BCL11B: variants seen among roughly 807,000 people sequenced by gnomAD.
BCL11B encodes the protein B-cell lymphoma/leukemia 11B.
BCL11B carries 8 observed loss-of-function variants against 49.9 expected under a neutral mutation model. That is an observed-to-expected ratio of 0.16 (90% confidence interval 0.09 to 0.29). The LOEUF (loss-of-function observed/expected upper bound fraction) is 0.29, where lower values mean the gene tolerates loss of function less well. Ranked by LOEUF, BCL11B falls within the 10% of genes least tolerant of loss-of-function variation. The pLI, the probability that BCL11B is intolerant of heterozygous loss-of-function variation, is 1.00. For synonymous variants in BCL11B, 739 were observed against 637.4 expected (o/e 1.16, Z -2.40); for missense variants, 1,006 against 1,351.0 (o/e 0.74, Z 4.00).
intron 3 of BCL11B, among the ~76,000 whole-genome samples, chr14:99,216,628 C>T (rs2139854434): frequency 6.6e-6 from 1 of 152,214 alleles, no homozygotes; most frequent in East Asian, 1.9e-4. Flanking sequence ...CCTCAAAGGC[C>T]TCAGCAGGCC....
At chr14:99,249,345 A>G (rs965410947) in intron 2 of BCL11B, among the ~76,000 whole-genome samples, 4 of 152,162 alleles carry the variant, frequency 2.6e-5, no homozygotes, top group African/African-American at 9.7e-5. Context: ...CAGGTTTGTT[A>G]CATGGGTAAA....
At position 99,205,477 on chromosome 14, in the gene BCL11B, C is replaced by T. The variant is rs1887508615; in HGVS notation, c.640+25868G>A. Among the ~76,000 whole-genome samples, 1 of 152,206 alleles carries T rather than the reference C, an allele frequency of 6.6e-6. No individual in the cohort carries two copies. The highest frequency in any genetic ancestry group is 1.9e-4 in the East Asian group (1 of 5,188). Reference sequence around the variant, plus strand: ...GTTAAATGCGCCCAAGGACCAGGCGCTCGCTACACCAGCATGCCAGGAAAG... The same window carrying T: ...GTTAAATGCGCCCAAGGACCAGGCGTTCGCTACACCAGCATGCCAGGAAAG... On this transcript the variant is annotated intron_variant, in intron 3 of 3. Coordinates refer to ENST00000357195, the MANE Select transcript of BCL11B (RefSeq NM_138576.4). This position sits in a 1 kb window ranked among gnomAD's most constrained non-coding sequence, Gnocchi z 5.0.
chr14:99,196,883 G>A (rs1364381336), intron 3 of BCL11B, among the ~76,000 whole-genome samples: 2 of 152,188 alleles, frequency 1.3e-5, no homozygotes, highest in Admixed American at 6.5e-5. Context: ...TCTCAACCAA[G>A]GCTGCACAGG....
intron 3 of BCL11B, among the ~76,000 whole-genome samples, chr14:99,223,511 G>T (rs975614009): frequency 8.5e-5 from 13 of 152,130 alleles, no homozygotes; most frequent in Admixed American, 7.2e-4. Context: ...TTCCAAGAGT[G>T]GTCCAGGTGA....
At chr14:99,229,119 AATGGATGG>A (rs5810933) in intron 3 of BCL11B, among the ~76,000 whole-genome samples, 18,974 of 137,330 alleles carry the variant, frequency 0.14, 1,453 homozygotes, top group Non-Finnish European at 0.18. Context: ...TACAGGGATG[AATGGATGG>A]ATGGATGGAT....
In BCL11B at chr14:99,264,346, C is replaced by T. The variant is rs533102163; in HGVS notation, c.59-6507G>A. 3 of 150,670 alleles carry T rather than the reference C, an allele frequency of 2.0e-5. No homozygotes were observed. In the South Asian group the frequency reaches 6.5e-4, roughly 33 times the overall value. The allele number at this position is 150,670 out of a possible 1,614,324, so 9.3% of individuals were successfully genotyped here. A position where few individuals can be genotyped will look rare whatever the true frequency, so the allele number is the denominator to read the frequency against. On this transcript the variant is annotated intron_variant, in intron 1 of 3. Transcript: ENST00000357195. ...ATCCATTTCTGAGGCACATGTTAATCACAATAATATTGGCACTCAACTTTT... is the reference window on the plus strand; with the variant it reads ...ATCCATTTCTGAGGCACATGTTAATTACAATAATATTGGCACTCAACTTTT...
rs2139894291 is a variant in BCL11B at position 99,232,488 on chromosome 14, A to C, written c.428-931T>G. Among the ~76,000 whole-genome samples the C allele has an allele frequency of 6.6e-6, 1 of 152,326 alleles. No individual in the cohort carries two copies. On this transcript the variant is annotated intron_variant, in intron 2 of 3. Coordinates refer to ENST00000357195, the MANE Select transcript of BCL11B (RefSeq NM_138576.4). This position sits in a 1 kb window ranked among gnomAD's most constrained non-coding sequence, Gnocchi z 5.1. ...GAGCAGGGAAGCATCAGAGAGACAA[A>C]AAGGAAACGTCAACAAGAGGATGGG... is the stretch of plus-strand genomic sequence containing the variant.
intron 3 of BCL11B, among the ~76,000 whole-genome samples, chr14:99,190,998 A>C (rs1292542230): frequency 2.0e-5 from 3 of 152,168 alleles, no homozygotes; most frequent in African/African-American, 4.8e-5. Flanking sequence ...ATTCAGTCCC[A>C]ATTTTCAAGG....
chr14:99,178,885 C>T (rs1260948756), intron 3 of BCL11B, among the ~76,000 whole-genome samples: 1 of 152,180 alleles, frequency 6.6e-6, no homozygotes, highest in Non-Finnish European at 1.5e-5. Context: ...GTCAGGCCAC[C>T]TCCCTTCCCC....
In BCL11B at chr14:99,174,699, C is replaced by G; in HGVS notation, c.2137G>C (p.Val713Leu). Residue 713 changes from valine to leucine, a missense_variant, in exon 4 of 4, where the codon GTG (valine) becomes CTG (leucine). Val to Leu is a conservative substitution (Grantham distance 32). Coordinates refer to ENST00000357195, the MANE Select transcript of BCL11B (RefSeq NM_138576.4). Reference protein sequence around the residue: ...PSENVYSQWLVGYAASRHFMK... With the variant: ...PSENVYSQWLLGYAASRHFMK... ...AAGTGCCGCGACGCCGCGTAGCCCA[C>G]CAGCCACTGCGAGTACACGTTCTCG... The G allele has an allele frequency of 1.9e-6, 3 of 1,571,026 alleles. 1 individual carries two copies. In the South Asian group the frequency reaches 3.4e-5, roughly 18 times the overall value.
chr14:99,174,534 T>C lies in BCL11B; in HGVS notation c.2302A>G (p.Ser768Gly). 6.6e-7 allele frequency: 1 copy of C among 1,514,710 alleles called. No homozygotes were observed. Among genetic ancestry groups the C allele is most frequent in the South Asian group, 1.2e-5 (1 of 82,054 alleles). The allele number at this position is 1,514,710 out of a possible 1,614,324, so 93.8% of individuals were successfully genotyped here. The change falls in exon 4 of 4, where the codon AGC becomes GGC. Residue 768 changes from serine (S) to glycine (G), a missense_variant. Physicochemically the swap from Ser to Gly is moderately conservative, Grantham distance 56. This residue lies in a region of BCL11B where 443 missense variants were observed against 499.7 expected (regional missense o/e 0.89). Coordinates refer to ENST00000357195, the MANE Select transcript of BCL11B (RefSeq NM_138576.4). Reference protein sequence around the residue: ...DLLDGGLSGRSGTASGGSTPH... With the variant: ...DLLDGGLSGRGGTASGGSTPH... The stretch of plus-strand genomic sequence containing the variant: ...GTGCTGCCTCCGCTGGCCGTGCCGC[T>C]GCGGCCCGAGAGGCCGCCGTCCAGC...
chr14:99,270,354 CCTAA>C (rs535656055), intron 1 of BCL11B, among the ~76,000 whole-genome samples: 374 of 151,802 alleles, frequency 2.5e-3, no homozygotes, highest in African/African-American at 6.0e-3. Context: ...TCTTCCCACT[CCTAA>C]CTGACAACCT....
At chr14:99,258,420 T>C (rs1349228956) in intron 1 of BCL11B, among the ~76,000 whole-genome samples, 1 of 141,646 alleles carries the variant, frequency 7.1e-6, no homozygotes, top group Non-Finnish European at 1.5e-5. Flanking sequence ...CCCTTACACC[T>C]TCATTCATGC....
rs969234504 is a variant in BCL11B, at chr14:99,169,890, T to C, written c.*4261A>G. 3.9e-5 allele frequency: 9 copies of C among 228,248 alleles called. No homozygotes were observed. Among genetic ancestry groups the C allele is most frequent in the East Asian group, 1.9e-4 (3 of 16,002 alleles). 14.1% of individuals were successfully genotyped at this position (228,248 alleles called of 1,614,324 possible). The stretch of plus-strand genomic sequence containing the variant: ...TCTAATGCCAAGTGGCAGGTTCCAA[T>C]TGGGGGCAACTTTGAACAAAGTTGT... On this transcript the variant is annotated 3_prime_UTR_variant, in exon 4 of 4. Coordinates refer to ENST00000357195, the MANE Select transcript of BCL11B (RefSeq NM_138576.4).
At chr14:99,225,145 A>G (rs1888123284) in intron 3 of BCL11B, among the ~76,000 whole-genome samples, 1 of 152,338 alleles carries the variant, frequency 6.6e-6, no homozygotes, top group African/African-American at 2.4e-5. Flanking sequence ...CCACTGGGCG[A>G]CGAACTTCCT....
At chr14:99,183,243 C>T (rs710309) in intron 3 of BCL11B, among the ~76,000 whole-genome samples, 12,298 of 152,206 alleles carry the variant, frequency 0.081, 1,203 homozygotes, top group African/African-American at 0.24. Flanking sequence ...TAACTCTACA[C>T]GCAGTGACCA....
At chr14:99,236,849 T>C (rs1451427138) in intron 2 of BCL11B, among the ~76,000 whole-genome samples, 1 of 152,238 alleles carries the variant, frequency 6.6e-6, no homozygotes, top group Non-Finnish European at 1.5e-5. Context: ...AGCTCCACCA[T>C]GGGTTCACAT....
In BCL11B at chr14:99,231,888, C is replaced by T. The variant is rs560915931; in HGVS notation, c.428-331G>A. On this transcript the variant is annotated intron_variant, in intron 2 of 3. Transcript: ENST00000357195. This position sits in a 1 kb window ranked among gnomAD's most constrained non-coding sequence, Gnocchi z 8.1. ...ACCCACTCTCAGGAAGGACCCCCCA[C>T]GTGGGGGCCTCTGGAGCAATCAAAT... 5.3e-5 allele frequency among the ~76,000 whole-genome samples: 8 copies of T among 152,004 alleles called. No homozygotes were observed. In the South Asian group the frequency reaches 1.2e-3, roughly 24 times the overall value.
rs764427299 is a variant in BCL11B, at chr14:99,175,387, C to G, written c.1449G>C (p.Ser483=). The change falls in exon 4 of 4, where the codon TCG becomes TCC. Residue 483 remains serine (S), a synonymous_variant. Coordinates refer to ENST00000357195, the MANE Select transcript of BCL11B (RefSeq NM_138576.4). The part of the protein sequence containing the change: ...HMKTHMHKAG[S]LAGRSDDGLS... ...GCCCGTCGTCGGAGCGGCCGGCCAG[C>G]GAGCCGGCCTTGTGCATGTGCGTCT... 6 of 1,594,924 alleles carry G rather than the reference C, an allele frequency of 3.8e-6. No individual in the cohort carries two copies. The East Asian group carries it at 9.1e-5, about 24-fold the overall frequency.
Sources: gnomAD v4.1 joint callset for allele counts (sites outside exome capture counted in the v4.1 genomes callset) on GRCh38, gnomAD v4.1.1 for gene constraint, gnomAD v4.1.1 regional missense constraint, Gnocchi (gnomAD v3.1) non-coding constraint, MANE v1.5 for transcripts, NCBI Gene and HGNC (gene_info 2026-07-23, HGNC 2026-07-21) for gene names.